DNAH11: variants seen among roughly 807,000 people sequenced by gnomAD.
The protein encoded by DNAH11 is axonemal beta dynein heavy chain 11.
DNAH11 carries 442 observed loss-of-function variants against 526.0 expected under a neutral mutation model. The ratio of observed to expected loss-of-function variants is 0.84; its 90% CI spans 0.78 to 0.91. The LOEUF is 0.91. Among genes scored for constraint, DNAH11 ranks in the 40% least tolerant of loss-of-function variants. The pLI, the probability that DNAH11 is intolerant of heterozygous loss-of-function variation, is 0.00. For synonymous variants in DNAH11, 2,461 were observed against 1,935.9 expected, an observed-to-expected ratio of 1.27 and a Z score of -7.12; for missense variants, 6,989 against 5,448.7, an observed-to-expected ratio of 1.28 and a Z score of -8.90.
intron 32 of DNAH11, among the ~76,000 whole-genome samples, chr7:21,686,134 T>A (rs939897225): frequency 6.6e-6 from 1 of 152,270 alleles, no homozygotes; most frequent in African/African-American, 2.4e-5. Context: ...TCTGTTTTCA[T>A]AATTAATCGC....
At chr7:21,546,635 A>G (rs1317889197) in intron 2 of DNAH11, among the ~76,000 whole-genome samples, 1 of 152,230 alleles carries the variant, frequency 6.6e-6, no homozygotes, top group East Asian at 1.9e-4. Flanking sequence ...ATGTGTTTCC[A>G]TACCAGAGTG....
intron 64 of DNAH11, among the ~76,000 whole-genome samples, 189 bp downstream of exon 64, chr7:21,816,891 C>A (rs535988937): frequency 4.6e-5 from 7 of 152,252 alleles, no homozygotes; most frequent in Non-Finnish European, 4.4e-5. Flanking sequence ...TGTTGGATGG[C>A]ACCCAATTAT....
intron 65 of DNAH11, 138 bp from the exon 66 acceptor site, chr7:21,842,406 T>G: frequency 1.6e-6 from 1 of 623,064 alleles, no homozygotes; most frequent in South Asian, 3.1e-5. Context: ...TTTAGGAAAT[T>G]TGGGAGTAGC....
intron 32 of DNAH11, among the ~76,000 whole-genome samples, chr7:21,685,468 A>G (rs1424503988): frequency 6.6e-6 from 1 of 152,236 alleles, no homozygotes; most frequent in Non-Finnish European, 1.5e-5. Flanking sequence ...TGTGTTGGAT[A>G]AAATGTTTCC....
intron 45 of DNAH11, among the ~76,000 whole-genome samples, chr7:21,729,922 T>G (rs899762777): frequency 8.5e-5 from 13 of 152,210 alleles, no homozygotes; most frequent in African/African-American, 3.1e-4. Context: ...GTATTAACCA[T>G]GATGAGATAC....
chr7:21,829,969 C>A (rs1370214990), intron 65 of DNAH11, among the ~76,000 whole-genome samples: 1 of 152,162 alleles, frequency 6.6e-6, no homozygotes, highest in Non-Finnish European at 1.5e-5. Flanking sequence ...AGCTATCTTC[C>A]AACAGTAACG....
At chr7:21,548,307 C>T (rs1782881422) in intron 2 of DNAH11, among the ~76,000 whole-genome samples, 1 of 152,132 alleles carries the variant, frequency 6.6e-6, no homozygotes, top group Non-Finnish European at 1.5e-5. Flanking sequence ...ATTTAACTGG[C>T]TAGCCACCCC....
chr7:21,856,006 TAA>T (rs1210215858), intron 68 of DNAH11, among the ~76,000 whole-genome samples: 1 of 152,084 alleles, frequency 6.6e-6, no homozygotes, highest in Non-Finnish European at 1.5e-5. Flanking sequence ...CTTAGCTATG[TAA>T]AGAGTGTTTG....
intron 42 of DNAH11, among the ~76,000 whole-genome samples, chr7:21,712,814 T>G (rs1357977492): frequency 6.6e-6 from 1 of 152,240 alleles, no homozygotes. Context: ...GCAGTTACAT[T>G]TAAGGCTAAC....
chr7:21,773,983 A>C lies in DNAH11; in HGVS notation c.9320A>C (p.Lys3107Thr). ...ERLVNGIQKL[K>T]TTASQVGDLK... is the part of the protein sequence containing the mutation. ...CTGGTGAACGGCATCCAAAAGCTAAAAACCACAGCCTCTCAGGTATGACCA... is the reference window on the plus strand; with the variant it reads ...CTGGTGAACGGCATCCAAAAGCTAACAACCACAGCCTCTCAGGTATGACCA... Residue 3107 changes from lysine to threonine, a missense_variant, in exon 56 of 82, where the codon AAA becomes ACA. By Grantham distance (78) the Lys-to-Thr change is moderately conservative. Transcript: ENST00000409508. 1 of 1,567,194 alleles carries C rather than the reference A, an allele frequency of 6.4e-7. No homozygotes were observed. Among genetic ancestry groups the C allele is most frequent in the Non-Finnish European group, 8.6e-7 (1 of 1,156,826 alleles).
At chr7:21,842,007 T>A (rs1484677111) in intron 65 of DNAH11, among the ~76,000 whole-genome samples, 1 of 152,244 alleles carries the variant, frequency 6.6e-6, no homozygotes. Context: ...TTGTTTTTAT[T>A]AACCTTTTAA....
intron 55 of DNAH11, among the ~76,000 whole-genome samples, chr7:21,768,905 A>G (rs1450645251): frequency 6.6e-6 from 1 of 152,206 alleles, no homozygotes; most frequent in East Asian, 1.9e-4. Context: ...GACTTTAAGC[A>G]CAGTTCTTTA....
At chr7:21,879,408 G>T (rs58926459) in intron 74 of DNAH11, among the ~76,000 whole-genome samples, 1 of 151,580 alleles carries the variant, frequency 6.6e-6, no homozygotes, top group African/African-American at 2.4e-5. Flanking sequence ...AGTGAGCAGA[G>T]ATAGCCCCTC....
Position 21,892,548 on chromosome 7 carries a change from C to T in DNAH11, c.12631C>T (p.Pro4211Ser). 1 of 1,613,950 alleles carries T rather than the reference C, an allele frequency of 6.2e-7. No individual in the cohort carries two copies. Among genetic ancestry groups the T allele is most frequent in the Non-Finnish European group, 8.5e-7 (1 of 1,179,896 alleles). Residue 4211 changes from proline to serine, a missense_variant, in exon 77 of 82, where the codon CCA becomes TCA. Physicochemically the swap from Pro to Ser is moderately conservative, Grantham distance 74. Coordinates refer to ENST00000409508, the MANE Select transcript of DNAH11 (RefSeq NM_001277115.2). ...AAGCCCGGCACTGTATGGCCTCCAC[C>T]CAAATGCTGAAATAGAATTCCTGAC... ...PESPALYGLH[P>S]NAEIEFLTVT...
intron 66 of DNAH11, among the ~76,000 whole-genome samples, chr7:21,846,770 A>G (rs1782437695): frequency 6.6e-6 from 1 of 152,094 alleles, no homozygotes; most frequent in South Asian, 2.1e-4. Context: ...TTCTAGAAAA[A>G]ATGTAGAGAA....
At chr7:21,584,004 G>A (rs140653630) in intron 9 of DNAH11, among the ~76,000 whole-genome samples, 217 of 152,318 alleles carry the variant, frequency 1.4e-3, no homozygotes, top group African/African-American at 5.1e-3. Context: ...TTCAACCATT[G>A]TGGAAGACAG....
chr7:21,566,004 A>G (rs1223581269), intron 6 of DNAH11, among the ~76,000 whole-genome samples: 4 of 152,140 alleles, frequency 2.6e-5, no homozygotes, highest in African/African-American at 9.7e-5. Flanking sequence ...GCGGGTCTCT[A>G]TGTAAAACAC....
chr7:21,792,619 T>C (rs111675374), intron 61 of DNAH11, among the ~76,000 whole-genome samples: 1,621 of 152,310 alleles, frequency 0.011, 23 homozygotes, highest in African/African-American at 0.037. Context: ...GGTTCAATCT[T>C]GGTAGAGTGT....
In DNAH11 at chr7:21,699,524, A is replaced by G. The variant is rs1433274709; in HGVS notation, c.6180+1311A>G. Among the ~76,000 whole-genome samples the G allele has an allele frequency of 2.0e-5, 3 of 152,264 alleles. No homozygotes were observed. In the East Asian group the frequency reaches 5.8e-4, roughly 29 times the overall value. ...CCACACAGTTACCTTACTGCCACGT[A>G]TTTATTTTAACTTGCTCATTGTTAG... On this transcript the variant is annotated intron_variant, in intron 36 of 81. Transcript: ENST00000409508.
Sources: gnomAD v4.1 joint callset for allele counts (sites outside exome capture counted in the v4.1 genomes callset) on GRCh38, gnomAD v4.1.1 for gene constraint, MANE v1.5 for transcripts, NCBI Gene and HGNC (gene_info 2026-07-23, HGNC 2026-07-21) for gene names.